The following MBL2 variants were observed in gnomAD, a reference collection of about 807,000 sequenced individuals.
MBL2 encodes mannose-binding protein C.
In MBL2, 6 loss-of-function variants were observed where a neutral mutation model predicts 12.7. The observed-to-expected ratio is 0.47, with a 90% CI of 0.26 to 0.94. The LOEUF (loss-of-function observed/expected upper bound fraction) is 0.94, where lower values mean the gene tolerates loss of function less well. MBL2 is among the 40% of genes least tolerant of loss of function. The pLI, the probability that MBL2 is intolerant of heterozygous loss-of-function variation, is 0.15. For missense variants in MBL2, 307 were observed against 295.2 expected (o/e 1.04, Z -0.29); for synonymous variants, 114 against 112.0 (o/e 1.02, Z -0.11).
chr10:52,770,386 C>G (rs1219673641), intron 3 of MBL2, among the ~76,000 whole-genome samples: 4 of 152,188 alleles, frequency 2.6e-5, no homozygotes, highest in African/African-American at 9.6e-5. Context: ...CCTCTAGGAC[C>G]AGGGCCTCAC....
Position 52,767,994 on chromosome 10 carries a change from G to T in MBL2, c.*143C>A. 1 of 946,752 alleles carries T rather than the reference G, an allele frequency of 1.1e-6. No homozygotes were observed. Among genetic ancestry groups the T allele is most frequent in the Non-Finnish European group, 1.5e-6 (1 of 646,014 alleles). The allele number at this position is 946,752 out of a possible 1,614,324, so 58.6% of individuals were successfully genotyped here. On this transcript the variant is annotated 3_prime_UTR_variant, in exon 5 of 5. Coordinates refer to ENST00000674931, the MANE Select transcript of MBL2 (RefSeq NM_001378373.1). ...CTACTACTATTATTGCTTTGTTGGTGCTGTTAGTGATCATTTTTAGTGATT... is the reference window on the plus strand; with the variant it reads ...CTACTACTATTATTGCTTTGTTGGTTCTGTTAGTGATCATTTTTAGTGATT...
chr10:52,771,779 T>C, intron 1 of MBL2, 135 bp from the exon 2 acceptor site: 5 of 1,277,944 alleles, frequency 3.9e-6, no homozygotes, highest in South Asian at 3.2e-5. Context: ...AGCTGGGGAT[T>C]TGGAAAAGTA....
chr10:52,771,658 A>T lies in MBL2; in HGVS notation c.-9-14T>A. On this transcript the variant is annotated splice_polypyrimidine_tract_variant and intron_variant, in intron 1 of 4. Coordinates refer to ENST00000674931, the MANE Select transcript of MBL2 (RefSeq NM_001378373.1). Reference sequence around the variant, plus strand: ...CATGGTCCTCACCTTGGTGTGAGAAAACTCAGGGAAGGTTAATCTCAGTTA... The same window carrying T: ...CATGGTCCTCACCTTGGTGTGAGAATACTCAGGGAAGGTTAATCTCAGTTA... 6.2e-7 allele frequency: 1 copy of T among 1,608,458 alleles called. No homozygotes were observed. The highest frequency in any genetic ancestry group is 1.1e-5 in the South Asian group (1 of 90,272).
At chr10:52,770,501 T>C (rs1194177809) in intron 3 of MBL2, among the ~76,000 whole-genome samples, 169 bp downstream of exon 3, 7 of 152,182 alleles carry the variant, frequency 4.6e-5, no homozygotes. Flanking sequence ...CAGGCACTTA[T>C]AGGAATTCCC....
At position 52,768,434 on chromosome 10, in the gene MBL2, T is replaced by C. The variant is rs146554537; in HGVS notation, c.450A>G (p.Lys150=). The change falls in exon 5 of 5, where the codon AAA becomes AAG. Residue 150 remains lysine, a synonymous_variant. Transcript: ENST00000674931. ...GGAACTTGACACACAAGGCCTTCAC[T>C]TTTTCAAAGGTCATTATTTCACCAT... ...LTNGEIMTFE[K]VKALCVKFQA... 101 of 1,611,216 alleles carry C rather than the reference T, an allele frequency of 6.3e-5. No individual in the cohort carries two copies. The highest frequency in any genetic ancestry group is 3.3e-4 in the Middle Eastern group (2 of 6,052).
rs543480009 is a variant in MBL2, at chr10:52,765,389, A to C, written c.*2748T>G. ...CATACACAAGATAAAATGTGACTAA[A>C]TGGAGTTTATTCCATCAAAGCAAGG... On this transcript the variant is annotated 3_prime_UTR_variant, in exon 5 of 5. Transcript: ENST00000674931. 1 of 152,354 alleles carries C rather than the reference A, an allele frequency of 6.6e-6. No homozygotes were observed. The highest frequency in any genetic ancestry group is 1.9e-4 in the East Asian group (1 of 5,184). 9.4% of individuals were successfully genotyped at this position (152,354 alleles called of 1,614,324 possible).
At position 52,768,338 on chromosome 10, in the gene MBL2, G is replaced by T; in HGVS notation, c.546C>A (p.Ala182=). 1.2e-6 allele frequency: 2 copies of T among 1,613,840 alleles called. No individual in the cohort carries two copies. Among genetic ancestry groups the T allele is most frequent in the Non-Finnish European group, 1.7e-6 (2 of 1,179,978 alleles). ...GAIQNLIKEE[A]FLGITDEKTE... ...TCTTCTCATCAGTGATGCCCAGGAAGGCTTCCTCCTTGATGAGATTCTGAA... is the reference window on the plus strand; with the variant it reads ...TCTTCTCATCAGTGATGCCCAGGAATGCTTCCTCCTTGATGAGATTCTGAA... The change falls in exon 5 of 5, where the codon GCC becomes GCA. Residue 182 remains alanine, a synonymous_variant. Transcript: ENST00000674931.
chr10:52,772,328 C>T (rs928455130), intron 1 of MBL2, among the ~76,000 whole-genome samples: 11 of 152,138 alleles, frequency 7.2e-5, no homozygotes, highest in Admixed American at 2.0e-4. Context: ...CTAAATACCT[C>T]TCTACTTTCT....
At position 52,771,603 on chromosome 10, in the gene MBL2, G is replaced by A; in HGVS notation, c.33C>T (p.Leu11=). 2 of 1,613,932 alleles carry A rather than the reference G, an allele frequency of 1.2e-6. No homozygotes were observed. The highest frequency in any genetic ancestry group is 1.7e-6 in the Non-Finnish European group (2 of 1,179,890). MSLFPSLPLL[L]LSMVAASYSE... ...AGTAAGACGCTGCCACCATACTCAG[G>A]AGAAGGAGAGGGAGTGATGGAAACA... The change falls in exon 2 of 5, where the codon CTC becomes CTT. Residue 11 remains leucine, a synonymous_variant. Coordinates refer to ENST00000674931, the MANE Select transcript of MBL2 (RefSeq NM_001378373.1).
At chr10:52,772,048 T>G (rs1840402297) in intron 1 of MBL2, among the ~76,000 whole-genome samples, 1 of 151,982 alleles carries the variant, frequency 6.6e-6, no homozygotes, top group Admixed American at 6.6e-5. Context: ...CATGTCCTCT[T>G]CGGGTCCATC....
Position 52,769,235 on chromosome 10 carries a change from G to C in MBL2, c.373+12C>G. 6.3e-7 allele frequency: 1 copy of C among 1,591,812 alleles called. No homozygotes were observed. The highest frequency in any genetic ancestry group is 1.1e-5 in the South Asian group (1 of 87,762). ...ACTTCAAGCTGCCTGGAGAGTAAGA[G>C]AAAAAGCTTACACTTTTTGATACGT... On this transcript the variant is annotated intron_variant, in intron 4 of 4. Coordinates refer to ENST00000674931, the MANE Select transcript of MBL2 (RefSeq NM_001378373.1).
chr10:52,771,868 G>A (rs72661125), intron 1 of MBL2, among the ~76,000 whole-genome samples: 125 of 152,228 alleles, frequency 8.2e-4, no homozygotes, highest in African/African-American at 2.9e-3. Flanking sequence ...CCTAAGGAGG[G>A]GTTCATCTGT....
At chr10:52,769,154 G>C (rs887876157) in intron 4 of MBL2, 93 bp downstream of exon 4, 22 of 799,682 alleles carry the variant, frequency 2.8e-5, no homozygotes, top group Non-Finnish European at 4.1e-5. Context: ...ATGCCTAGCA[G>C]GGTACAGAAA....
rs1840320685 is a variant in MBL2, at chr10:52,767,315, G to A, written c.*822C>T. ...GGGAACCCTACATGGCAATGAAAAG[G>A]ATGAAACTTTTGTACACATGACATG... On this transcript the variant is annotated 3_prime_UTR_variant, in exon 5 of 5. Transcript: ENST00000674931. 6.6e-6 allele frequency: 1 copy of A among 151,948 alleles called. No individual in the cohort carries two copies. The highest frequency in any genetic ancestry group is 2.4e-5 in the African/African-American group (1 of 41,266). The allele number at this position is 151,948 out of a possible 1,614,324, so 9.4% of individuals were successfully genotyped here.
At chr10:52,771,927 T>C (rs1189061022) in intron 1 of MBL2, among the ~76,000 whole-genome samples, 1 of 152,138 alleles carries the variant, frequency 6.6e-6, no homozygotes, top group Non-Finnish European at 1.5e-5. Context: ...ATGCTTTCGG[T>C]GGCAGTGAGA....
intron 3 of MBL2, 59 bp downstream of exon 3, chr10:52,770,611 G>T: frequency 2.8e-6 from 3 of 1,071,964 alleles, no homozygotes; most frequent in Non-Finnish European, 3.8e-6. Context: ...CCTCTTACCA[G>T]ATACTCAAGG....
intron 3 of MBL2, 141 bp downstream of exon 3, chr10:52,770,529 A>C: frequency 4.1e-6 from 2 of 487,278 alleles, no homozygotes; most frequent in Admixed American, 3.1e-5. Context: ...CTAAGAATGA[A>C]GAGAGGGCTG....
intron 3 of MBL2, among the ~76,000 whole-genome samples, chr10:52,770,415 A>T (rs751541977): frequency 2.0e-5 from 3 of 152,210 alleles, no homozygotes; most frequent in Non-Finnish European, 4.4e-5. Context: ...GTTTCAGCTG[A>T]TGGAGAATCC....
chr10:52,768,648 T>C (rs1840345411), intron 4 of MBL2, 138 bp from the exon 5 acceptor site: 1 of 610,362 alleles, frequency 1.6e-6, no homozygotes, highest in South Asian at 2.8e-5. Context: ...AGACAAACAA[T>C]GAATATTTTA....
Sources: allele counts gnomAD v4.1 joint callset (sites outside exome capture counted in the v4.1 genomes callset), GRCh38; gene constraint gnomAD v4.1.1; transcripts MANE v1.5; gene names NCBI Gene and HGNC (gene_info 2026-07-23, HGNC 2026-07-21).